The following FBLN1 variants were observed in gnomAD, a reference collection of about 807,000 sequenced individuals.
FBLN1 encodes the protein fibulin-1.
FBLN1 carries 34 observed loss-of-function variants against 89.7 expected under a neutral mutation model. The observed-to-expected ratio is 0.38, with a 90% CI of 0.29 to 0.50. FBLN1 has a LOEUF of 0.50. FBLN1 is among the 20% of genes least tolerant of loss of function. The pLI, the probability that FBLN1 is intolerant of heterozygous loss-of-function variation, is 0.92. For missense variants in FBLN1, 777 were observed against 988.1 expected (o/e 0.79, Z 2.86); for synonymous variants, 393 against 391.3 (o/e 1.00, Z -0.05).
Position 45,525,696 on chromosome 22 carries a change from T to G in FBLN1, c.321+18T>G. 2 of 1,551,210 alleles carry G rather than the reference T, an allele frequency of 1.3e-6. No individual in the cohort carries two copies. ...TTGTGAAGGTGAGAGCCAAAGACCA[T>G]GTGGGGTCGCTGCCCGTCCCCACTA... is the stretch of plus-strand genomic sequence containing the variant. On this transcript the variant is annotated intron_variant, in intron 3 of 16. Coordinates refer to ENST00000327858, the MANE Select transcript of FBLN1 (RefSeq NM_006486.3).
chr22:45,594,856 G>A (rs1305252506), intron 16 of FBLN1, among the ~76,000 whole-genome samples: 1 of 151,774 alleles, frequency 6.6e-6, no homozygotes, highest in East Asian at 1.9e-4. Context: ...GTGGGTGGGT[G>A]GATGGATGGA....
At chr22:45,519,393 G>A (rs988677187) in intron 2 of FBLN1, among the ~76,000 whole-genome samples, 1 of 152,026 alleles carries the variant, frequency 6.6e-6, no homozygotes, top group African/African-American at 2.4e-5. Context: ...GGCCGAGGTG[G>A]GTGGATCACC....
At chr22:45,586,936 C>T (rs577341118) in intron 16 of FBLN1, among the ~76,000 whole-genome samples, 81 of 152,160 alleles carry the variant, frequency 5.3e-4, no homozygotes, top group African/African-American at 1.8e-3. Context: ...ACAGGGTCTA[C>T]GGACAGTACA....
At chr22:45,515,898 T>C (rs900702702) in intron 1 of FBLN1, among the ~76,000 whole-genome samples, 9 of 152,138 alleles carry the variant, frequency 5.9e-5, no homozygotes, top group Non-Finnish European at 8.8e-5. Context: ...CAAAGGCTGT[T>C]TGGCTCCAAA....
intron 16 of FBLN1, among the ~76,000 whole-genome samples, chr22:45,599,980 C>T (rs571610024): frequency 1.8e-4 from 27 of 152,288 alleles, no homozygotes; most frequent in African/African-American, 5.8e-4. Context: ...AAAACCTGGG[C>T]TCAGAAGCTG....
At chr22:45,568,503 A>AAT (rs2088918804) in intron 14 of FBLN1, among the ~76,000 whole-genome samples, 18 of 141,480 alleles carry the variant, frequency 1.3e-4, no homozygotes, top group African/African-American at 3.9e-4. Context: ...TCTGTAGGGG[A>AAT]GTGCTCCTTC....
chr22:45,599,023 C>T (rs6007105), intron 16 of FBLN1, among the ~76,000 whole-genome samples: 2,027 of 152,296 alleles, frequency 0.013, 47 homozygotes, highest in African/African-American at 0.046. Flanking sequence ...TGGGCCTGGT[C>T]GGGGGCCATG....
chr22:45,576,837 C>T lies in FBLN1; in HGVS notation c.1841-140C>T, dbSNP rs2089001310. 1.0e-6 allele frequency: 1 copy of T among 979,166 alleles called. No homozygotes were observed. The highest frequency in any genetic ancestry group is 2.0e-5 in the Admixed American group (1 of 50,438). The allele number at this position is 979,166 out of a possible 1,614,324, so 60.7% of individuals were successfully genotyped here. A position where few individuals can be genotyped will look rare whatever the true frequency, so the allele number is the denominator to read the frequency against. On this transcript the variant is annotated intron_variant, in intron 15 of 16. Transcript: ENST00000327858. This position sits in a 1 kb window ranked among gnomAD's most constrained non-coding sequence, Gnocchi z 5.2. ...CCTCCACCCTCCCCACACAGGGGATCTCTGGCTTCATTGATGTTGTCTCAT... is the reference window on the plus strand; with the variant it reads ...CCTCCACCCTCCCCACACAGGGGATTTCTGGCTTCATTGATGTTGTCTCAT...
At chr22:45,570,156 C>T (rs2088938555) in intron 14 of FBLN1, among the ~76,000 whole-genome samples, 1 of 151,124 alleles carries the variant, frequency 6.6e-6, no homozygotes, top group East Asian at 1.9e-4. Flanking sequence ...CCCATCTCTA[C>T]TAAAAATACA....
chr22:45,592,780 T>C (rs129635), intron 16 of FBLN1, among the ~76,000 whole-genome samples: 152,144 of 152,344 alleles, frequency 1, 75,973 homozygotes, highest in East Asian at 1. Flanking sequence ...GGCAAGCCTG[T>C]TTGGGTCTCC....
rs1477740203 is a variant in FBLN1 at position 45,576,081 on chromosome 22, C to T, written c.1841-896C>T. The stretch of plus-strand genomic sequence containing the variant: ...GAGGCTCCCTCAGCACGTGGTTGCC[C>T]AAGGAGCCGTCCCCAGTCCCAGTCC... On this transcript the variant is annotated intron_variant, in intron 15 of 16. Transcript: ENST00000327858. The surrounding 1 kb of genome is among the most constrained non-coding windows in gnomAD (Gnocchi z 5.2). Among the ~76,000 whole-genome samples the T allele has an allele frequency of 6.6e-6, 1 of 152,154 alleles. No individual in the cohort carries two copies. The highest frequency in any genetic ancestry group is 1.5e-5 in the Non-Finnish European group (1 of 68,014).
At chr22:45,560,947 C>G (rs2088844133) in intron 14 of FBLN1, among the ~76,000 whole-genome samples, 1 of 152,098 alleles carries the variant, frequency 6.6e-6, no homozygotes, top group African/African-American at 2.4e-5. Flanking sequence ...GGTTTATCTC[C>G]TTAGACAAAG....
In FBLN1 at chr22:45,574,323, C is replaced by A. The variant is rs1299487349; in HGVS notation, c.1698-188C>A. Among the ~76,000 whole-genome samples, 1 of 152,192 alleles carries A rather than the reference C, an allele frequency of 6.6e-6. No homozygotes were observed. Among genetic ancestry groups the A allele is most frequent in the Non-Finnish European group, 1.5e-5 (1 of 68,040 alleles). On this transcript the variant is annotated intron_variant, in intron 14 of 16. Transcript: ENST00000327858. The surrounding 1 kb of genome is among the most constrained non-coding windows in gnomAD (Gnocchi z 4.1). The stretch of plus-strand genomic sequence containing the variant: ...GGCATTTAGGTCCCGGTCCAGTTTG[C>A]AGGAAGGGCCATGAAGCCTCCCCAC...
chr22:45,596,510 G>A (rs965263683), intron 16 of FBLN1, among the ~76,000 whole-genome samples: 2 of 151,766 alleles, frequency 1.3e-5, no homozygotes, highest in African/African-American at 2.4e-5. Flanking sequence ...CCAGGAGTGT[G>A]TATTTAAATA....
intron 2 of FBLN1, 143 bp from the exon 3 acceptor site, chr22:45,525,400 T>C (rs2088312161): frequency 2.6e-6 from 2 of 758,692 alleles, no homozygotes; most frequent in East Asian, 5.4e-5. Flanking sequence ...TGTATGCCAC[T>C]GGGGCACTGT....
At chr22:45,514,691 G>C (rs370018262) in intron 1 of FBLN1, among the ~76,000 whole-genome samples, 9 of 152,158 alleles carry the variant, frequency 5.9e-5, no homozygotes, top group African/African-American at 2.2e-4. Context: ...CGGGCCCCTT[G>C]CCCTGGCTCT....
In FBLN1 at chr22:45,563,287, G is replaced by C; in HGVS notation, c.1698-11224G>C. The C allele has an allele frequency of 6.2e-7, 1 of 1,613,258 alleles. No homozygotes were observed. On this transcript the variant is annotated intron_variant, in intron 14 of 16. Coordinates refer to ENST00000327858, the MANE Select transcript of FBLN1 (RefSeq NM_006486.3). The surrounding 1 kb of genome is among the most constrained non-coding windows in gnomAD (Gnocchi z 5.7). ...TCTGAGCACTCGCTTCGCGTCGCGGGGTCTCCCTCCTGTTGCTTTCCTAAC... is the reference window on the plus strand; with the variant it reads ...TCTGAGCACTCGCTTCGCGTCGCGGCGTCTCCCTCCTGTTGCTTTCCTAAC...
In FBLN1 at chr22:45,563,282, C is replaced by A; in HGVS notation, c.1698-11229C>A. On this transcript the variant is annotated intron_variant, in intron 14 of 16. Coordinates refer to ENST00000327858, the MANE Select transcript of FBLN1 (RefSeq NM_006486.3). The surrounding 1 kb of genome is among the most constrained non-coding windows in gnomAD (Gnocchi z 5.7). ...AGAGCTCTGAGCACTCGCTTCGCGT[C>A]GCGGGGTCTCCCTCCTGTTGCTTTC... The A allele has an allele frequency of 6.2e-7, 1 of 1,613,362 alleles. No individual in the cohort carries two copies. The highest frequency in any genetic ancestry group is 1.1e-5 in the South Asian group (1 of 91,070).
At chr22:45,510,236 A>G (rs1479186340) in intron 1 of FBLN1, among the ~76,000 whole-genome samples, 2 of 152,152 alleles carry the variant, frequency 1.3e-5, no homozygotes, top group Admixed American at 1.3e-4. Flanking sequence ...GTCTCACAAT[A>G]AAAGACAGTA....
Sources: allele counts gnomAD v4.1 joint callset (sites outside exome capture counted in the v4.1 genomes callset), GRCh38; gene constraint gnomAD v4.1.1; non-coding constraint Gnocchi (gnomAD v3.1); transcripts MANE v1.5; gene names NCBI Gene and HGNC (gene_info 2026-07-23, HGNC 2026-07-21).